Variants in CCSER1 observed in about 807,000 individuals in gnomAD.
CCSER1 encodes the protein coiled-coil serine rich protein 1.
A neutral mutation model predicts 82.0 loss-of-function variants in CCSER1; 41 were observed. The ratio of observed to expected loss-of-function variants is 0.50; its 90% CI spans 0.39 to 0.65. The LOEUF (loss-of-function observed/expected upper bound fraction) is 0.65. Among genes scored for constraint, CCSER1 ranks in the 30% least tolerant of loss-of-function variants. The probability of loss-of-function intolerance (pLI) is 0.00; values close to 1 mark genes in which losing one functional copy is unlikely to be tolerated. For synonymous variants in CCSER1, 414 were observed against 383.9 expected, an observed-to-expected ratio of 1.08 and a Z score of -0.92; for missense variants, 1,119 against 1,064.2, an observed-to-expected ratio of 1.05 and a Z score of -0.72.
At chr4:90,757,811 A>G (rs1393479922) in intron 7 of CCSER1, among the ~76,000 whole-genome samples, 1 of 152,164 alleles carries the variant, frequency 6.6e-6, no homozygotes, top group Non-Finnish European at 1.5e-5. Context: ...TTTTCTTTTA[A>G]ATCTCAATAT....
chr4:90,788,920 C>T (rs1754877300), intron 7 of CCSER1, among the ~76,000 whole-genome samples: 1 of 152,058 alleles, frequency 6.6e-6, no homozygotes, highest in South Asian at 2.1e-4. Flanking sequence ...TTTCCTCCCC[C>T]AGGCATTCCT....
intron 10 of CCSER1, among the ~76,000 whole-genome samples, chr4:91,399,706 C>T (rs1224931480): frequency 6.6e-6 from 1 of 151,854 alleles, no homozygotes; most frequent in Non-Finnish European, 1.5e-5. Context: ...CTTTTGTAGC[C>T]TTAGTTTTAT....
intron 1 of CCSER1, among the ~76,000 whole-genome samples, chr4:90,282,992 G>T (rs1729148980): frequency 6.6e-6 from 1 of 151,996 alleles, no homozygotes. Flanking sequence ...TTGTGATACT[G>T]CATTAATGGA....
At chr4:90,575,828 C>T (rs1325987882) in intron 5 of CCSER1, among the ~76,000 whole-genome samples, 1 of 152,084 alleles carries the variant, frequency 6.6e-6, no homozygotes, top group Non-Finnish European at 1.5e-5. Flanking sequence ...ATCTTTGTTA[C>T]TGTCAAGAAG....
intron 10 of CCSER1, among the ~76,000 whole-genome samples, chr4:91,487,887 C>G (rs2110062581): frequency 6.6e-6 from 1 of 151,952 alleles, no homozygotes; most frequent in Middle Eastern, 3.6e-3. Flanking sequence ...CAGATATGCA[C>G]AGATATGACA....
In CCSER1 at chr4:91,567,598, C is replaced by T. The variant is rs114157756; in HGVS notation, c.2218-30974C>T. ...GCATATATATTTAATATAGTTAGGT[C>T]TTTTGTTGAATTGAATTCTTTGCCA... On this transcript the variant is annotated intron_variant, in intron 10 of 10. Coordinates refer to ENST00000509176, the MANE Select transcript of CCSER1 (RefSeq NM_001145065.2). 6.5e-3 allele frequency among the ~76,000 whole-genome samples: 983 copies of T among 152,040 alleles called. 5 individuals are homozygous for T. The highest frequency in any genetic ancestry group is 0.018 in the African/African-American group (727 of 41,472).
At chr4:90,214,201 T>C in intron 1 of CCSER1, among the ~76,000 whole-genome samples, 1 of 152,214 alleles carries the variant, frequency 6.6e-6, no homozygotes, top group East Asian at 1.9e-4. Context: ...GTGTTTATCT[T>C]TAGCAGTGGT....
At chr4:90,896,071 C>A (rs765129138) in intron 8 of CCSER1, among the ~76,000 whole-genome samples, 3 of 151,866 alleles carry the variant, frequency 2.0e-5, no homozygotes, top group Admixed American at 1.3e-4. Context: ...GAAGGAACAG[C>A]TCTAAAAGTT....
chr4:90,902,932 G>A (rs1226701329), intron 8 of CCSER1, among the ~76,000 whole-genome samples: 1 of 151,990 alleles, frequency 6.6e-6, no homozygotes, highest in Non-Finnish European at 1.5e-5. Flanking sequence ...TAAGCAGGCA[G>A]GGACATGATC....
chr4:90,169,305 A>G (rs960342308), intron 1 of CCSER1, among the ~76,000 whole-genome samples: 1 of 152,020 alleles, frequency 6.6e-6, no homozygotes, highest in Non-Finnish European at 1.5e-5. Context: ...AGGAATGCTT[A>G]TGATTTTTGC....
At chr4:91,355,991 C>T (rs111615070) in intron 10 of CCSER1, among the ~76,000 whole-genome samples, 3,007 of 152,336 alleles carry the variant, frequency 0.02, 91 homozygotes, top group African/African-American at 0.067. Flanking sequence ...GTCTAACATT[C>T]ATTGGCTAAT....
At chr4:90,298,744 G>A (rs144148300) in intron 1 of CCSER1, among the ~76,000 whole-genome samples, 4,792 of 151,914 alleles carry the variant, frequency 0.032, 194 homozygotes, top group African/African-American at 0.096. Flanking sequence ...CCTTCATTTC[G>A]TTATGTACCC....
intron 10 of CCSER1, among the ~76,000 whole-genome samples, chr4:91,186,224 C>T (rs1423312665): frequency 1.3e-5 from 2 of 151,890 alleles, no homozygotes; most frequent in Non-Finnish European, 2.9e-5. Context: ...AGGGATGAAC[C>T]TCTCCTTCCT....
chr4:91,454,493 T>C (rs986370981), intron 10 of CCSER1, among the ~76,000 whole-genome samples: 5 of 152,094 alleles, frequency 3.3e-5, no homozygotes, highest in Non-Finnish European at 7.4e-5. Context: ...TAATCCAGGA[T>C]AATCTCCCCA....
chr4:90,587,474 G>A (rs762925529), intron 5 of CCSER1, among the ~76,000 whole-genome samples: 4 of 152,148 alleles, frequency 2.6e-5, no homozygotes, highest in Admixed American at 2.0e-4. Context: ...GCCAGGCATG[G>A]TGGCAGGTGC....
At chr4:91,201,767 A>G (rs922970557) in intron 10 of CCSER1, among the ~76,000 whole-genome samples, 2 of 152,008 alleles carry the variant, frequency 1.3e-5, no homozygotes, top group African/African-American at 2.4e-5. Context: ...TATAAGTGCT[A>G]TGATGCAAAT....
At chr4:91,340,189 G>C (rs551439615) in intron 10 of CCSER1, among the ~76,000 whole-genome samples, 1 of 152,084 alleles carries the variant, frequency 6.6e-6, no homozygotes, top group South Asian at 2.1e-4. Flanking sequence ...TAATAAAATA[G>C]GATAATTATA....
At chr4:90,300,315 C>T (rs1484316992) in intron 1 of CCSER1, among the ~76,000 whole-genome samples, 1 of 152,096 alleles carries the variant, frequency 6.6e-6, no homozygotes, top group Non-Finnish European at 1.5e-5. Flanking sequence ...ATTCTAAGAG[C>T]TACACCACCA....
rs1423137850 is a variant in CCSER1, at chr4:91,601,230, T to TTTAA, written c.*2175_*2178dup. On this transcript the variant is annotated 3_prime_UTR_variant, in exon 11 of 11. Coordinates refer to ENST00000509176, the MANE Select transcript of CCSER1 (RefSeq NM_001145065.2). ...TAATCTATTTATAGAAGATCTGTCA[T>TTTAA]TTAATAGACATTTTAAGAGATGTTT... The TTTAA allele has an allele frequency of 6.6e-6, 1 of 152,100 alleles. No individual in the cohort carries two copies. Among genetic ancestry groups the TTTAA allele is most frequent in the African/African-American group, 2.4e-5 (1 of 41,460 alleles). 9.4% of individuals were successfully genotyped at this position (152,100 alleles called of 1,614,324 possible).
Sources: gnomAD v4.1 joint callset for allele counts (sites outside exome capture counted in the v4.1 genomes callset) on GRCh38, gnomAD v4.1.1 for gene constraint, MANE v1.5 for transcripts, NCBI Gene and HGNC (gene_info 2026-07-23, HGNC 2026-07-21) for gene names.